Variants in FA2H observed in about 807,000 individuals in gnomAD.
The protein encoded by FA2H is fatty acid alpha-hydroxylase.
FA2H carries 22 observed loss-of-function variants against 44.9 expected under a neutral mutation model. That is an observed-to-expected ratio of 0.49 (90% CI 0.35 to 0.70). The LOEUF is 0.70. Ranked by LOEUF, FA2H falls within the 30% of genes least tolerant of loss-of-function variation. FA2H has a pLI of 0.01. For missense variants in FA2H, 501 were observed against 504.9 expected (o/e 0.99, Z 0.07); for synonymous variants, 243 against 213.2 (o/e 1.14, Z -1.22).
At chr16:74,753,916 G>A (rs1033205660) in intron 1 of FA2H, among the ~76,000 whole-genome samples, 20 of 152,134 alleles carry the variant, frequency 1.3e-4, no homozygotes, top group Admixed American at 1.1e-3. Context: ...TATAATCTAC[G>A]CACATTAATT....
chr16:74,748,105 A>G (rs577758937), intron 1 of FA2H, among the ~76,000 whole-genome samples: 2 of 152,182 alleles, frequency 1.3e-5, no homozygotes, highest in South Asian at 4.1e-4. Context: ...CAGGCATTCA[A>G]ATAGGACAGG....
intron 6 of FA2H, among the ~76,000 whole-genome samples, chr16:74,714,987 C>T (rs561412581): frequency 6.6e-6 from 1 of 152,034 alleles, no homozygotes; most frequent in Non-Finnish European, 1.5e-5. Context: ...CAGGCGCGCA[C>T]CACCATATCC....
chr16:74,757,214 T>C (rs911730323), intron 1 of FA2H, among the ~76,000 whole-genome samples: 3 of 152,182 alleles, frequency 2.0e-5, no homozygotes, highest in Non-Finnish European at 4.4e-5. Context: ...GGCAGTTTAC[T>C]AAAAACGTGC....
At chr16:74,743,781 T>A (rs970946820) in intron 1 of FA2H, among the ~76,000 whole-genome samples, 1 of 152,086 alleles carries the variant, frequency 6.6e-6, no homozygotes, top group African/African-American at 2.4e-5. Context: ...CTTTCCTGGG[T>A]GGCTTCATTG....
At chr16:74,748,309 G>A (rs950265293) in intron 1 of FA2H, among the ~76,000 whole-genome samples, 4 of 152,100 alleles carry the variant, frequency 2.6e-5, no homozygotes, top group African/African-American at 7.2e-5. Context: ...CACCCCCCAC[G>A]TGGCAGCTGG....
At chr16:74,770,659 C>G (rs1465653192) in intron 1 of FA2H, among the ~76,000 whole-genome samples, 1 of 152,246 alleles carries the variant, frequency 6.6e-6, no homozygotes, top group Non-Finnish European at 1.5e-5. Context: ...GCATGAGCCA[C>G]TGTGCCCAGC....
chr16:74,719,317 T>C (rs935889912), intron 4 of FA2H, among the ~76,000 whole-genome samples, 157 bp from the exon 5 acceptor site: 1 of 152,008 alleles, frequency 6.6e-6, no homozygotes, highest in Non-Finnish European at 1.5e-5. Flanking sequence ...TGAGTCAAAA[T>C]GGGAAGGAGG....
At chr16:74,731,875 C>T (rs1567639284) in intron 2 of FA2H, among the ~76,000 whole-genome samples, 23 of 152,018 alleles carry the variant, frequency 1.5e-4, no homozygotes. Flanking sequence ...TCCCCTGGTC[C>T]TTTCTTTTTC....
intron 1 of FA2H, among the ~76,000 whole-genome samples, chr16:74,753,167 C>T (rs1304844012): frequency 6.6e-6 from 1 of 152,154 alleles, no homozygotes; most frequent in Non-Finnish European, 1.5e-5. Context: ...GGAGGCAGGG[C>T]GTGAGGAACA....
At chr16:74,748,302 C>A (rs958737590) in intron 1 of FA2H, among the ~76,000 whole-genome samples, 7 of 152,204 alleles carry the variant, frequency 4.6e-5, no homozygotes, top group Admixed American at 4.6e-4. Context: ...CTTCCCCCAC[C>A]CCCCACGTGG....
At chr16:74,763,375 A>G (rs2144660853) in intron 1 of FA2H, among the ~76,000 whole-genome samples, 1 of 152,128 alleles carries the variant, frequency 6.6e-6, no homozygotes, top group African/African-American at 2.4e-5. Flanking sequence ...CTCGTATCTC[A>G]GCCTTCCGAG....
At chr16:74,764,293 C>A (rs1172146186) in intron 1 of FA2H, among the ~76,000 whole-genome samples, 1 of 152,138 alleles carries the variant, frequency 6.6e-6, no homozygotes, top group Non-Finnish European at 1.5e-5. Context: ...GCACTGTTCA[C>A]AACAGCAAAG....
chr16:74,714,783 T>C (rs1017750186), intron 6 of FA2H, among the ~76,000 whole-genome samples: 2 of 152,162 alleles, frequency 1.3e-5, no homozygotes, highest in Non-Finnish European at 2.9e-5. Flanking sequence ...CATTTAATTC[T>C]GATGAATTAA....
chr16:74,714,022 G>T lies in FA2H; in HGVS notation c.*168C>A. The T allele has an allele frequency of 1.7e-6, 1 of 603,802 alleles. No homozygotes were observed. The highest frequency in any genetic ancestry group is 3.0e-6 in the Non-Finnish European group (1 of 336,028). 37.4% of individuals were successfully genotyped at this position (603,802 alleles called of 1,614,324 possible). A position where few individuals can be genotyped will look rare whatever the true frequency, so the allele number is the denominator to read the frequency against. On this transcript the variant is annotated 3_prime_UTR_variant, in exon 7 of 7. Transcript: ENST00000219368. ...GTGACCCTCCTACCAGGGGTCAGGA[G>T]GGCGGTCCTGCCTCAGGGCCCCCTC...
intron 4 of FA2H, among the ~76,000 whole-genome samples, chr16:74,723,271 C>T (rs544649375): frequency 9.2e-5 from 14 of 152,118 alleles, no homozygotes; most frequent in Non-Finnish European, 1.8e-4. Context: ...TTCTGCCTGC[C>T]GCCACACTTG....
chr16:74,730,159 G>A (rs1962045439), intron 2 of FA2H, among the ~76,000 whole-genome samples: 1 of 152,166 alleles, frequency 6.6e-6, no homozygotes, highest in Non-Finnish European at 1.5e-5. Context: ...CACAGCCTGG[G>A]AGCAGGGGGG....
intron 1 of FA2H, among the ~76,000 whole-genome samples, chr16:74,757,063 CA>C (rs1962625881): frequency 6.6e-6 from 1 of 150,462 alleles, no homozygotes; most frequent in Non-Finnish European, 1.5e-5. Flanking sequence ...TTAAGCAAGG[CA>C]AAAGGCAAAT....
intron 1 of FA2H, among the ~76,000 whole-genome samples, chr16:74,743,428 A>C (rs1033282123): frequency 6.6e-6 from 1 of 152,226 alleles, no homozygotes; most frequent in African/African-American, 2.4e-5. Context: ...GACATGAAGA[A>C]ACCGGAGGAG....
At position 74,726,148 on chromosome 16, in the gene FA2H, A is replaced by T. The variant is rs1406430318; in HGVS notation, c.613+77T>A. The T allele has an allele frequency of 5.1e-6, 5 of 977,412 alleles. No homozygotes were observed. In the African/African-American group the frequency reaches 7.9e-5, roughly 16 times the overall value. The allele number at this position is 977,412 out of a possible 1,614,324, so 60.5% of individuals were successfully genotyped here. A position where few individuals can be genotyped will look rare whatever the true frequency, so the allele number is the denominator to read the frequency against. On this transcript the variant is annotated intron_variant, in intron 4 of 6. Coordinates refer to ENST00000219368, the MANE Select transcript of FA2H (RefSeq NM_024306.5). ...AGTTTGGGGTTCTGTGCTCTCAGAA[A>T]CTCTGGGCCAGGGAAAGCACTGAGG...
Sources: allele counts gnomAD v4.1 joint callset (sites outside exome capture counted in the v4.1 genomes callset), GRCh38; gene constraint gnomAD v4.1.1; transcripts MANE v1.5; gene names NCBI Gene and HGNC (gene_info 2026-07-23, HGNC 2026-07-21).